ARHGAP26: variants seen among roughly 807,000 people sequenced by gnomAD.
ARHGAP26 encodes the protein Rho GTPase activating protein 26.
A neutral mutation model predicts 104.8 loss-of-function variants in ARHGAP26; 38 were observed. The ratio of observed to expected loss-of-function variants is 0.36; its 90% confidence interval spans 0.28 to 0.48. The LOEUF is 0.48. ARHGAP26 is among the 20% of genes least tolerant of loss of function. The pLI is 0.99. For missense variants in ARHGAP26, 704 were observed against 947.9 expected (o/e 0.74, Z 3.38); for synonymous variants, 341 against 340.0 (o/e 1.00, Z -0.03).
At chr5:142,817,568 G>A (rs772646613) in intron 1 of ARHGAP26, among the ~76,000 whole-genome samples, 31 of 152,098 alleles carry the variant, frequency 2.0e-4, no homozygotes, top group Admixed American at 2.0e-4. Context: ...GTCTGGGGTC[G>A]GGCCTCGATT....
At position 143,161,284 on chromosome 5, in the gene ARHGAP26, T is replaced by C. The variant is rs376189876; in HGVS notation, c.1988+13903T>C. Among the ~76,000 whole-genome samples the C allele has an allele frequency of 4.6e-5, 7 of 152,168 alleles. No homozygotes were observed. In the East Asian group the frequency reaches 1.2e-3, roughly 25 times the overall value. Reference sequence around the variant, plus strand: ...GTCTTGGCCTCCCAAAGTGCAGGGATTACAGGCATGAGCCACTGCACCCGG... The same window carrying C: ...GTCTTGGCCTCCCAAAGTGCAGGGACTACAGGCATGAGCCACTGCACCCGG... On this transcript the variant is annotated intron_variant, in intron 20 of 22. Coordinates refer to ENST00000645722, the MANE Select transcript of ARHGAP26 (RefSeq NM_001135608.3).
chr5:143,185,593 G>A (rs1251764331), intron 20 of ARHGAP26, among the ~76,000 whole-genome samples: 1 of 152,130 alleles, frequency 6.6e-6, no homozygotes, highest in Non-Finnish European at 1.5e-5. Context: ...AAAAATGGCT[G>A]CACACACCCT....
intron 11 of ARHGAP26, among the ~76,000 whole-genome samples, chr5:142,944,977 G>T (rs1766890726): frequency 6.6e-6 from 1 of 152,102 alleles, no homozygotes; most frequent in Admixed American, 6.5e-5. Context: ...AGCAACAGAG[G>T]GTGTGGCAGC....
intron 13 of ARHGAP26, among the ~76,000 whole-genome samples, chr5:143,038,003 C>G (rs1782901140): frequency 6.6e-6 from 1 of 152,238 alleles, no homozygotes; most frequent in Non-Finnish European, 1.5e-5. Flanking sequence ...GTCTCCATCC[C>G]TTCTTCAGAG....
In ARHGAP26 at chr5:142,912,107, A is replaced by G. The variant is rs78118756; in HGVS notation, c.934-1092A>G. 5.1e-3 allele frequency among the ~76,000 whole-genome samples: 777 copies of G among 152,328 alleles called. 6 individuals are homozygous for G. The highest frequency in any genetic ancestry group is 0.018 in the African/African-American group (731 of 41,564). On this transcript the variant is annotated intron_variant, in intron 9 of 22. Transcript: ENST00000645722. ...GGCAGGAGAAACAGAAACCCTAACAAATTCCTAAGTGACAGTAAGAAGAAA... is the reference window on the plus strand; with the variant it reads ...GGCAGGAGAAACAGAAACCCTAACAGATTCCTAAGTGACAGTAAGAAGAAA...
chr5:142,891,018 G>A (rs1433512290), intron 5 of ARHGAP26, among the ~76,000 whole-genome samples: 2 of 152,036 alleles, frequency 1.3e-5, no homozygotes, highest in Non-Finnish European at 2.9e-5. Context: ...CCCTCCACTT[G>A]CAGTGTCAGT....
chr5:143,028,634 C>G (rs758183097), intron 12 of ARHGAP26, among the ~76,000 whole-genome samples: 5 of 152,144 alleles, frequency 3.3e-5, no homozygotes, highest in Non-Finnish European at 7.3e-5. Flanking sequence ...TCATTTGACC[C>G]TCGTAGCATC....
intron 1 of ARHGAP26, among the ~76,000 whole-genome samples, chr5:142,858,094 T>TGAGA (rs1249755991): frequency 2.4e-4 from 31 of 127,250 alleles, no homozygotes; most frequent in Admixed American, 8.3e-4. Context: ...TGTGTGTGTG[T>TGAGA]GAGAGAGAGA....
At chr5:142,913,702 G>A (rs1458571331) in intron 10 of ARHGAP26, among the ~76,000 whole-genome samples, 3 of 151,966 alleles carry the variant, frequency 2.0e-5, no homozygotes, top group South Asian at 2.1e-4. Context: ...ATAATGATTC[G>A]AAAGGCATTG....
chr5:142,909,427 T>G (rs2152473055), intron 9 of ARHGAP26, among the ~76,000 whole-genome samples: 1 of 152,360 alleles, frequency 6.6e-6, no homozygotes, highest in South Asian at 2.1e-4. Flanking sequence ...CCTGGGCCAG[T>G]GCTGTTAGGT....
intron 12 of ARHGAP26, among the ~76,000 whole-genome samples, chr5:143,032,769 T>TA (rs1782065919): frequency 6.6e-6 from 1 of 152,200 alleles, no homozygotes; most frequent in African/African-American, 2.4e-5. Context: ...TTGTTAATTA[T>TA]TAGTAATCTA....
At chr5:142,873,015 C>T (rs533391501) in intron 1 of ARHGAP26, among the ~76,000 whole-genome samples, 8 of 152,300 alleles carry the variant, frequency 5.3e-5, no homozygotes, top group Admixed American at 4.6e-4. Flanking sequence ...GGAAACTGCA[C>T]TGACTGTGTG....
chr5:142,963,198 A>ATATGTGTGTGTGTGTGTGTG (rs869247749), intron 11 of ARHGAP26, among the ~76,000 whole-genome samples: 11 of 98,320 alleles, frequency 1.1e-4, no homozygotes, highest in African/African-American at 4.9e-4. Flanking sequence ...ATATATATAT[A>ATATGTGTGTGTGTGTGTGTG]TGTGTGTGTG....
chr5:143,052,198 G>A (rs529992876), intron 14 of ARHGAP26, among the ~76,000 whole-genome samples: 2 of 152,298 alleles, frequency 1.3e-5, no homozygotes, highest in South Asian at 2.1e-4. Flanking sequence ...TGGGCCAGGC[G>A]CGGTGGCTCA....
intron 11 of ARHGAP26, among the ~76,000 whole-genome samples, chr5:143,006,509 T>C (rs931083521): frequency 6.6e-6 from 1 of 152,098 alleles, no homozygotes; most frequent in Non-Finnish European, 1.5e-5. Flanking sequence ...TATATTTTTA[T>C]TGGTTTCACA....
At chr5:142,806,373 G>A (rs528043591) in intron 1 of ARHGAP26, among the ~76,000 whole-genome samples, 1 of 152,274 alleles carries the variant, frequency 6.6e-6, no homozygotes, top group East Asian at 1.9e-4. Flanking sequence ...GGGATTACAG[G>A]CCTGAGCCAT....
chr5:142,896,645 T>C (rs1459402575), intron 6 of ARHGAP26, among the ~76,000 whole-genome samples: 2 of 152,190 alleles, frequency 1.3e-5, no homozygotes, highest in African/African-American at 4.8e-5. Context: ...TACCATTCCA[T>C]TTCCTGGCAT....
chr5:142,852,421 T>C (rs1218023967), intron 1 of ARHGAP26, among the ~76,000 whole-genome samples: 1 of 152,252 alleles, frequency 6.6e-6, no homozygotes, highest in Non-Finnish European at 1.5e-5. Flanking sequence ...GGAAAGCAAG[T>C]CAGCATGGCA....
intron 12 of ARHGAP26, among the ~76,000 whole-genome samples, chr5:143,025,332 C>A (rs1780897272): frequency 6.6e-6 from 1 of 152,188 alleles, no homozygotes; most frequent in African/African-American, 2.4e-5. Context: ...CTGCCCTTCG[C>A]TGCCTCAGAG....
Sources: gnomAD v4.1 joint callset for allele counts (sites outside exome capture counted in the v4.1 genomes callset) on GRCh38, gnomAD v4.1.1 for gene constraint, MANE v1.5 for transcripts, NCBI Gene and HGNC (gene_info 2026-07-23, HGNC 2026-07-21) for gene names.